CSMD1: variants seen among roughly 807,000 people sequenced by gnomAD.
CSMD1 encodes the protein CUB and Sushi multiple domains 1.
A neutral mutation model predicts 417.5 loss-of-function variants in CSMD1; 213 were observed. The ratio of observed to expected loss-of-function variants is 0.51; its 90% CI spans 0.46 to 0.57. The LOEUF (loss-of-function observed/expected upper bound fraction) is 0.57. CSMD1 is among the 20% of genes least tolerant of loss of function. The probability of loss-of-function intolerance (pLI) is 0.00; values close to 1 mark genes in which losing one functional copy is unlikely to be tolerated. For synonymous variants in CSMD1, 2,862 were observed against 1,736.8 expected (o/e 1.65, Z -16.11); for missense variants, 6,923 against 4,529.7 (o/e 1.53, Z -15.17).
intron 2 of CSMD1, among the ~76,000 whole-genome samples, chr8:4,592,363 C>T (rs1054823902): frequency 6.6e-6 from 1 of 151,688 alleles, no homozygotes; most frequent in Non-Finnish European, 1.5e-5. Flanking sequence ...AAAAAATATA[C>T]TCTTCCGTAT....
At chr8:4,801,128 T>A (rs1024920340) in intron 1 of CSMD1, among the ~76,000 whole-genome samples, 1 of 152,208 alleles carries the variant, frequency 6.6e-6, no homozygotes, top group African/African-American at 2.4e-5. Flanking sequence ...TGGTGTCATT[T>A]TACATTTTTT....
At chr8:3,241,072 G>A (rs59523033) in intron 26 of CSMD1, among the ~76,000 whole-genome samples, 43,480 of 147,714 alleles carry the variant, frequency 0.29, 7,579 homozygotes, top group Non-Finnish European at 0.4. Context: ...AAGGTGAGGG[G>A]ATACAAGAGG....
At chr8:3,981,208 G>A (rs145769063) in intron 5 of CSMD1, among the ~76,000 whole-genome samples, 1 of 152,180 alleles carries the variant, frequency 6.6e-6, no homozygotes, top group Non-Finnish European at 1.5e-5. Context: ...CTTCAGTAAA[G>A]AACATGCAAT....
intron 5 of CSMD1, among the ~76,000 whole-genome samples, chr8:3,805,724 T>C (rs1408000782): frequency 6.6e-6 from 1 of 152,180 alleles, no homozygotes; most frequent in African/African-American, 2.4e-5. Flanking sequence ...CTTTTTTTAA[T>C]TCGAGAATCT....
At chr8:3,806,666 T>C (rs780437526) in intron 5 of CSMD1, among the ~76,000 whole-genome samples, 1 of 152,232 alleles carries the variant, frequency 6.6e-6, no homozygotes, top group Non-Finnish European at 1.5e-5. Flanking sequence ...CGTTGAGCAC[T>C]TGAATAATCT....
intron 5 of CSMD1, among the ~76,000 whole-genome samples, chr8:3,957,287 G>T (rs543284760): frequency 6.6e-6 from 1 of 152,184 alleles, no homozygotes; most frequent in African/African-American, 2.4e-5. Context: ...ATGTACTTTT[G>T]TGCCCTCAGA....
intron 12 of CSMD1, among the ~76,000 whole-genome samples, chr8:3,449,733 G>C (rs914179961): frequency 6.6e-6 from 1 of 152,060 alleles, no homozygotes; most frequent in South Asian, 2.1e-4. Context: ...GGTCAGGCCT[G>C]TCTCAAACTC....
chr8:4,186,054 T>C (rs920021643), intron 3 of CSMD1, among the ~76,000 whole-genome samples: 1 of 152,144 alleles, frequency 6.6e-6, no homozygotes, highest in African/African-American at 2.4e-5. Context: ...TGGGCCTGGA[T>C]TCTGCACGTG....
Position 4,310,666 on chromosome 8 carries a change from G to A in CSMD1, c.415+109287C>T, listed in dbSNP as rs182672689. Among the ~76,000 whole-genome samples, 507 of 152,220 alleles carry A rather than the reference G, an allele frequency of 3.3e-3. 4 individuals carry two copies. Among genetic ancestry groups the A allele is most frequent in the Non-Finnish European group, 4.2e-3 (285 of 68,028 alleles). On this transcript the variant is annotated intron_variant, in intron 3 of 69. Coordinates refer to ENST00000635120, the MANE Select transcript of CSMD1 (RefSeq NM_033225.6). The stretch of plus-strand genomic sequence containing the variant: ...CATTTGACCGAGACTATAAAATTTA[G>A]GGGTGGCAAAACAAAGACACAACAA...
chr8:4,901,528 G>C (rs755336716), intron 1 of CSMD1, among the ~76,000 whole-genome samples: 1 of 152,106 alleles, frequency 6.6e-6, no homozygotes, highest in Non-Finnish European at 1.5e-5. Context: ...ACCTCTGTAA[G>C]AATTCATATG....
chr8:4,854,108 C>G (rs896555361), intron 1 of CSMD1, among the ~76,000 whole-genome samples: 2 of 152,070 alleles, frequency 1.3e-5, no homozygotes, highest in African/African-American at 2.4e-5. Flanking sequence ...AGACATAGAA[C>G]TTTTGAGTTA....
intron 3 of CSMD1, among the ~76,000 whole-genome samples, chr8:4,327,966 A>C (rs1280906207): frequency 2.0e-5 from 3 of 152,194 alleles, no homozygotes; most frequent in African/African-American, 7.2e-5. Flanking sequence ...AAGTTGAATG[A>C]AATTCTTGTT....
At chr8:3,617,909 G>T (rs149373279) in intron 7 of CSMD1, among the ~76,000 whole-genome samples, 6 of 152,066 alleles carry the variant, frequency 3.9e-5, no homozygotes, top group Non-Finnish European at 8.8e-5. Flanking sequence ...AAATAATTCC[G>T]TGAGAAGAAA....
At chr8:4,345,870 G>A (rs1482835170) in intron 3 of CSMD1, among the ~76,000 whole-genome samples, 1 of 152,144 alleles carries the variant, frequency 6.6e-6, no homozygotes, top group Non-Finnish European at 1.5e-5. Context: ...TACATGCACT[G>A]ACAGGCAGAC....
intron 2 of CSMD1, among the ~76,000 whole-genome samples, chr8:4,590,880 G>C (rs996464957): frequency 6.6e-6 from 1 of 152,184 alleles, no homozygotes; most frequent in Non-Finnish European, 1.5e-5. Context: ...TTACTTGGCA[G>C]AACTCATCGT....
intron 1 of CSMD1, among the ~76,000 whole-genome samples, chr8:4,990,556 G>T (rs1222161789): frequency 6.6e-6 from 1 of 151,988 alleles, no homozygotes; most frequent in East Asian, 1.9e-4. Flanking sequence ...GTAGAGATGG[G>T]GTTTCACTAT....
At position 4,676,256 on chromosome 8, in the gene CSMD1, A is replaced by G. The variant is rs370835604; in HGVS notation, c.86-38698T>C. On this transcript the variant is annotated intron_variant, in intron 1 of 69. Coordinates refer to ENST00000635120, the MANE Select transcript of CSMD1 (RefSeq NM_033225.6). ...TTAGAGTTGCTCTTCTCCTTTGCTT[A>G]TGACACCCTCCCTCTATATATTAAG... Among the ~76,000 whole-genome samples the G allele has an allele frequency of 2.6e-5, 4 of 152,210 alleles. No homozygotes were observed. The East Asian group carries it at 5.8e-4, about 22-fold the overall frequency.
At chr8:3,739,853 A>G (rs1350499197) in intron 6 of CSMD1, among the ~76,000 whole-genome samples, 1 of 152,180 alleles carries the variant, frequency 6.6e-6, no homozygotes, top group Non-Finnish European at 1.5e-5. Context: ...TGGGACAATT[A>G]AAAAAGCAGG....
intron 6 of CSMD1, among the ~76,000 whole-genome samples, chr8:3,744,866 T>C (rs996282526): frequency 2.0e-5 from 3 of 152,156 alleles, no homozygotes; most frequent in East Asian, 1.9e-4. Flanking sequence ...TCATCACAGA[T>C]AGAGTAAGGG....
Sources: allele counts gnomAD v4.1 joint callset (sites outside exome capture counted in the v4.1 genomes callset), GRCh38; gene constraint gnomAD v4.1.1; transcripts MANE v1.5; gene names NCBI Gene and HGNC (gene_info 2026-07-23, HGNC 2026-07-21).